The following TRIM34 variants were observed in gnomAD, a reference collection of about 807,000 sequenced individuals.
TRIM34 encodes tripartite motif containing 34.
Under a neutral mutation model 38.1 loss-of-function variants are expected in TRIM34, and 41 were observed. The ratio of observed to expected loss-of-function variants is 1.08; its 90% CI spans 0.84 to 1.40. The LOEUF (loss-of-function observed/expected upper bound fraction) is 1.40. Ranked by LOEUF, TRIM34 falls within the 40% of genes most tolerant of loss-of-function variation. The pLI is 0.00. For synonymous variants in TRIM34, 200 were observed against 202.5 expected (o/e 0.99, Z 0.10); for missense variants, 556 against 571.4 (o/e 0.97, Z 0.27).
Position 5,628,118 on chromosome 11 carries a change from C to T in TRIM34, c.-78+3058C>T, listed in dbSNP as rs117904590. ...TGGGGTCATTTCTCACACGTGGGAC[C>T]GTGGTTACTCTGCACTTTTCTCATT... On this transcript the variant is annotated intron_variant, in intron 1 of 7. Coordinates refer to ENST00000429814, the MANE Select transcript of TRIM34 (RefSeq NM_021616.6). Among the ~76,000 whole-genome samples, 1,252 of 152,272 alleles carry T rather than the reference C, an allele frequency of 8.2e-3. 10 individuals are homozygous for T. Among genetic ancestry groups the T allele is most frequent in the Non-Finnish European group, 0.013 (872 of 68,028 alleles).
upstream of TRIM34, among the ~76,000 whole-genome samples, chr11:5,621,030 C>T (rs1023067856): frequency 6.6e-6 from 1 of 152,142 alleles, no homozygotes; most frequent in African/African-American, 2.4e-5. Context: ...GGAAGCGATT[C>T]CAAGTTAGAT....
chr11:5,635,949 A>G (rs947412313), intron 4 of TRIM34, among the ~76,000 whole-genome samples: 10 of 152,266 alleles, frequency 6.6e-5, no homozygotes, highest in Admixed American at 2.6e-4. Flanking sequence ...GATGTAAAAT[A>G]GTAAAGCTAC....
chr11:5,642,962 T>C, intron 7 of TRIM34, 119 bp downstream of exon 7: 1 of 1,448,406 alleles, frequency 6.9e-7, no homozygotes, highest in East Asian at 2.4e-5. Flanking sequence ...AAACATTTGC[T>C]AAATACATTT....
intron 4 of TRIM34, among the ~76,000 whole-genome samples, chr11:5,639,691 A>T (rs1849910962): frequency 6.7e-6 from 1 of 149,120 alleles, no homozygotes; most frequent in African/African-American, 2.5e-5. Context: ...AAAAAAAAAA[A>T]AAAAAAAAAA....
chr11:5,639,965 ATTTG>A (rs994987570), intron 4 of TRIM34, among the ~76,000 whole-genome samples: 20 of 152,166 alleles, frequency 1.3e-4, no homozygotes, highest in Non-Finnish European at 2.1e-4. Flanking sequence ...AGCATTTATC[ATTTG>A]TTTGTGTTGC....
At chr11:5,634,607 ACT>A (rs1423034804) in intron 3 of TRIM34, 22 bp from the exon 4 acceptor site, 1 of 1,598,424 alleles carries the variant, frequency 6.3e-7, no homozygotes, top group East Asian at 2.2e-5. Flanking sequence ...ACTTACTACA[ACT>A]CTCTCTTGTC....
intron 6 of TRIM34, 125 bp from the exon 7 acceptor site, chr11:5,642,692 T>C (rs1408396089): frequency 1.2e-5 from 16 of 1,304,262 alleles, no homozygotes; most frequent in Non-Finnish European, 1.5e-5. Context: ...TGGTTTATCT[T>C]TTTAATTCAC....
At chr11:5,639,707 A>AAAAAAAAAAT (rs1564889435) in intron 4 of TRIM34, among the ~76,000 whole-genome samples, 1 of 139,996 alleles carries the variant, frequency 7.1e-6, no homozygotes. Context: ...AAAAAAAAAA[A>AAAAAAAAAAT]GATTGGAAGA....
intron 1 of TRIM34, 143 bp from the exon 2 acceptor site, chr11:5,632,112 G>A (rs1849506815): frequency 2.5e-6 from 3 of 1,193,052 alleles, no homozygotes; most frequent in Admixed American, 2.9e-5. Context: ...AGCTCGCCCA[G>A]ACCACTTTCA....
At chr11:5,625,737 A>T (rs901781343) in intron 1 of TRIM34, among the ~76,000 whole-genome samples, 2 of 152,140 alleles carry the variant, frequency 1.3e-5, no homozygotes, top group Non-Finnish European at 2.9e-5. Context: ...CTCCTTGCAC[A>T]TCCCTGAACA....
Position 5,634,665 on chromosome 11 carries a change from C to G in TRIM34, c.554C>G (p.Thr185Arg), listed in dbSNP as rs1490929319. ...CAAACTGAGAGACAAAGGATACAAA[C>G]AGAATTTGATCAGCTTAGAAGCATC... The part of the protein sequence containing the change: ...QVQTERQRIQ[T>R]EFDQLRSILN... The change falls in exon 4 of 8, where the codon ACA (threonine) becomes AGA (arginine). Residue 185 changes from threonine to arginine, a missense_variant. Transcript: ENST00000429814. The G allele has an allele frequency of 6.2e-7, 1 of 1,613,598 alleles. No individual in the cohort carries two copies. The highest frequency in any genetic ancestry group is 1.3e-5 in the African/African-American group (1 of 74,802).
chr11:5,623,294 T>G (rs952878225), upstream of TRIM34, among the ~76,000 whole-genome samples: 1 of 152,010 alleles, frequency 6.6e-6, no homozygotes, highest in Non-Finnish European at 1.5e-5. Context: ...GGAAAAGAAA[T>G]CTGAAAGTAT....
Position 5,641,209 on chromosome 11 carries a change from A to G in TRIM34, c.773+20A>G. 6.2e-7 allele frequency: 1 copy of G among 1,613,756 alleles called. No homozygotes were observed. Among genetic ancestry groups the G allele is most frequent in the Non-Finnish European group, 8.5e-7 (1 of 1,179,940 alleles). On this transcript the variant is annotated intron_variant, in intron 5 of 7. Coordinates refer to ENST00000429814, the MANE Select transcript of TRIM34 (RefSeq NM_021616.6). ...GAAATGGTGCGTATGGGTGGCCAGG[A>G]GTGGTGCTTGTGAGTTATAAAGAAG...
In TRIM34 at chr11:5,643,470, G is replaced by A. The variant is rs1367236695; in HGVS notation, c.1228G>A (p.Val410Ile). 6.2e-7 allele frequency: 1 copy of A among 1,614,080 alleles called. No homozygotes were observed. The highest frequency in any genetic ancestry group is 8.5e-7 in the Non-Finnish European group (1 of 1,180,046). ...IGLQNKCKYGVFEESLSSDPE... is the reference protein window; with the variant it reads ...IGLQNKCKYGIFEESLSSDPE... ...GTTACAGAATAAATGTAAGTATGGT[G>A]TCTTTGAAGAGTCTTTGTCCTCTGA... The change falls in exon 8 of 8, where the codon GTC (valine) becomes ATC (isoleucine). Residue 410 changes from valine (V) to isoleucine (I), a missense_variant. Transcript: ENST00000429814.
chr11:5,638,741 T>A (rs567754373), intron 4 of TRIM34, among the ~76,000 whole-genome samples: 1 of 152,218 alleles, frequency 6.6e-6, no homozygotes, highest in African/African-American at 2.4e-5. Flanking sequence ...GTGCCGTTTT[T>A]TCTTCTTTGT....
intron 4 of TRIM34, among the ~76,000 whole-genome samples, chr11:5,637,811 T>G (rs1849811200): frequency 6.6e-6 from 1 of 152,236 alleles, no homozygotes; most frequent in African/African-American, 2.4e-5. Context: ...ACTTTGCCTA[T>G]TCTAAGTACC....
intron 6 of TRIM34, 26 bp downstream of exon 6, chr11:5,642,532 G>A (rs1402959710): frequency 1.9e-6 from 3 of 1,611,090 alleles, no homozygotes; most frequent in Non-Finnish European, 2.5e-6. Flanking sequence ...CAAAGACTGT[G>A]GATGTGGGAT....
At chr11:5,639,498 GT>G (rs1394825299) in intron 4 of TRIM34, among the ~76,000 whole-genome samples, 3 of 151,854 alleles carry the variant, frequency 2.0e-5, no homozygotes, top group Non-Finnish European at 4.4e-5. Flanking sequence ...GGCTAACACA[GT>G]GAAACCCCGT....
chr11:5,632,514 C>G lies in TRIM34; in HGVS notation c.183C>G (p.Ile61Met). The G allele has an allele frequency of 1.9e-6, 3 of 1,613,922 alleles. No homozygotes were observed. The highest frequency in any genetic ancestry group is 2.5e-6 in the Non-Finnish European group (3 of 1,179,992). ...GGKSSCPVCG[I>M]SYSFEHLQAN... ...AAAGCAGCTGTCCTGTGTGTGGTAT[C>G]AGTTACTCATTTGAACATCTACAGG... Residue 61 changes from isoleucine to methionine, a missense_variant, in exon 2 of 8, where the codon ATC (isoleucine) becomes ATG (methionine). Transcript: ENST00000429814.
Sources: gnomAD v4.1 joint callset for allele counts (sites outside exome capture counted in the v4.1 genomes callset) on GRCh38, gnomAD v4.1.1 for gene constraint, MANE v1.5 for transcripts, NCBI Gene and HGNC (gene_info 2026-07-23, HGNC 2026-07-21) for gene names.